PIEZO2: variants seen among roughly 807,000 people sequenced by gnomAD.
The protein encoded by PIEZO2 is piezo-type mechanosensitive ion channel component 2.
PIEZO2 carries 172 observed loss-of-function variants against 337.3 expected under a neutral mutation model. The observed-to-expected ratio is 0.51, with a 90% CI of 0.45 to 0.58. PIEZO2 has a LOEUF of 0.58. PIEZO2 is among the 20% of genes least tolerant of loss of function. The pLI is 0.00. For missense variants in PIEZO2, 3,028 were observed against 3,391.3 expected, an observed-to-expected ratio of 0.89 and a Z score of 2.66; for synonymous variants, 1,251 against 1,228.5, an observed-to-expected ratio of 1.02 and a Z score of -0.38.
Position 11,148,486 on chromosome 18 carries a change from G to A in PIEZO2, c.64+39C>T, listed in dbSNP as rs1568417369. The A allele has an allele frequency of 1.6e-5, 24 of 1,534,338 alleles. No individual in the cohort carries two copies. Among genetic ancestry groups the A allele is most frequent in the Middle Eastern group, 1.7e-4 (1 of 6,002 alleles). ...AGTCCCCCACCCAGGCGCCCCCCTC[G>A]TCCTCCTCAAGTGCCCTCGGAAAGC... On this transcript the variant is annotated intron_variant, in intron 1 of 55. Coordinates refer to ENST00000674853, the MANE Select transcript of PIEZO2 (RefSeq NM_001378183.1). The surrounding 1 kb of genome is among the most constrained non-coding windows in gnomAD (Gnocchi z 5.2).
chr18:10,858,183 T>C (rs1438969751), intron 5 of PIEZO2, among the ~76,000 whole-genome samples: 1 of 150,018 alleles, frequency 6.7e-6, no homozygotes, highest in African/African-American at 2.4e-5. Flanking sequence ...TAGCTGAGTG[T>C]GGTGGCACGT....
Position 10,732,494 on chromosome 18 carries a change from G to A in PIEZO2, c.4915-973C>T, listed in dbSNP as rs112975221. Among the ~76,000 whole-genome samples the A allele has an allele frequency of 8.8e-3, 1,338 of 152,298 alleles. 24 individuals carry two copies. Among genetic ancestry groups the A allele is most frequent in the African/African-American group, 0.029 (1,224 of 41,562 alleles). On this transcript the variant is annotated intron_variant, in intron 35 of 55. Transcript: ENST00000674853. ...AGTGGCATTGTGAAGTCAGTAGAAA[G>A]TAAAGAGAGACTCAACTTTTCCATA...
At chr18:10,820,898 G>A (rs2040502442) in intron 7 of PIEZO2, among the ~76,000 whole-genome samples, 1 of 152,102 alleles carries the variant, frequency 6.6e-6, no homozygotes, top group South Asian at 2.1e-4. Flanking sequence ...CTTCACTCTG[G>A]CCAAAGCTAA....
In PIEZO2 at chr18:10,862,649, C is replaced by G. The variant is rs2041905901; in HGVS notation, c.493-5438G>C. Among the ~76,000 whole-genome samples the G allele has an allele frequency of 6.6e-6, 1 of 152,212 alleles. No homozygotes were observed. The highest frequency in any genetic ancestry group is 1.5e-5 in the Non-Finnish European group (1 of 68,038). On this transcript the variant is annotated intron_variant, in intron 5 of 55. Coordinates refer to ENST00000674853, the MANE Select transcript of PIEZO2 (RefSeq NM_001378183.1). The surrounding 1 kb of genome is among the most constrained non-coding windows in gnomAD (Gnocchi z 4.4). ...GGTTGGAATAAATCCTAAGGATCAC[C>G]TGGGGACCTTTAAGAGGGCAGATGA...
chr18:10,721,542 G>A (rs28567081), intron 36 of PIEZO2, among the ~76,000 whole-genome samples: 7,102 of 151,816 alleles, frequency 0.047, 525 homozygotes, highest in African/African-American at 0.16. Context: ...CAAACATTCC[G>A]GAAGGACAAA....
At chr18:10,725,271 G>C (rs1055962760) in intron 36 of PIEZO2, 121 of 1,566,806 alleles carry the variant, frequency 7.7e-5, no homozygotes, top group Middle Eastern at 1.7e-4. Context: ...TGCTCACCAA[G>C]TGCCAGATAT....
At chr18:10,790,678 A>C (rs1390914153) in intron 14 of PIEZO2, among the ~76,000 whole-genome samples, 4 of 150,556 alleles carry the variant, frequency 2.7e-5, no homozygotes. Context: ...TTTCATTGGG[A>C]ATCACCTTCG....
intron 2 of PIEZO2, among the ~76,000 whole-genome samples, chr18:11,055,078 G>A (rs1182040881): frequency 2.6e-5 from 4 of 152,198 alleles, no homozygotes; most frequent in African/African-American, 9.6e-5. Flanking sequence ...GGGCGCGGTG[G>A]CAGGCGCCTG....
chr18:11,004,625 T>C lies in PIEZO2; in HGVS notation c.161-24965A>G, dbSNP rs374873215. Among the ~76,000 whole-genome samples, 18 of 152,294 alleles carry C rather than the reference T, an allele frequency of 1.2e-4. No homozygotes were observed. In the South Asian group the frequency reaches 2.5e-3, roughly 21 times the overall value. The stretch of plus-strand genomic sequence containing the variant: ...TAATATACAAGAAATGGCTGCTTTG[T>C]TGATGAAGCTGTCAAAATCAGAAGG... On this transcript the variant is annotated intron_variant, in intron 2 of 55. Transcript: ENST00000674853.
At chr18:10,736,504 G>T in intron 34 of PIEZO2, 100 bp downstream of exon 34, 1 of 1,444,886 alleles carries the variant, frequency 6.9e-7, no homozygotes, top group Non-Finnish European at 9.1e-7. Context: ...GGGGAGCTAT[G>T]ACATATGAAT....
chr18:10,803,736 T>C (rs916318995), intron 9 of PIEZO2, 139 bp downstream of exon 9: 6 of 1,053,904 alleles, frequency 5.7e-6, no homozygotes, highest in Non-Finnish European at 7.7e-6. Flanking sequence ...TGGTACTAAC[T>C]CTCCTAAATC....
At chr18:10,931,739 AGAGG>A (rs1214039403) in intron 3 of PIEZO2, among the ~76,000 whole-genome samples, 25 of 151,546 alleles carry the variant, frequency 1.6e-4, no homozygotes, top group Admixed American at 1.4e-3. Flanking sequence ...AGAGAGAGAG[AGAGG>A]GAAAGCTCAC....
chr18:10,686,193 G>A (rs1380531485), intron 49 of PIEZO2, among the ~76,000 whole-genome samples: 1 of 152,174 alleles, frequency 6.6e-6, no homozygotes, highest in East Asian at 1.9e-4. Flanking sequence ...GCAGTTGGGT[G>A]TCAGCACCCA....
chr18:10,797,410 C>T lies in PIEZO2; in HGVS notation c.1491G>A (p.Met497Ile), dbSNP rs2144238447. 6.5e-7 allele frequency: 1 copy of T among 1,537,132 alleles called. No homozygotes were observed. The highest frequency in any genetic ancestry group is 8.7e-7 in the Non-Finnish European group (1 of 1,146,882). Residue 497 changes from methionine (M) to isoleucine (I), a missense_variant, in exon 12 of 56, where the codon ATG (methionine) becomes ATA (isoleucine). Coordinates refer to ENST00000674853, the MANE Select transcript of PIEZO2 (RefSeq NM_001378183.1). ...TGAGGGCACAGATGTAACTTTGTTTCATAATAAATTGGAATACGGAGACCA... is the reference window on the plus strand; with the variant it reads ...TGAGGGCACAGATGTAACTTTGTTTTATAATAAATTGGAATACGGAGACCA... ...HAMVSVFQFI[M>I]KQSYICALIA...
intron 3 of PIEZO2, among the ~76,000 whole-genome samples, chr18:10,971,190 G>A (rs1005679779): frequency 6.6e-6 from 1 of 152,086 alleles, no homozygotes; most frequent in Admixed American, 6.5e-5. Flanking sequence ...TGGCATCAAA[G>A]CCATCTTCAA....
intron 3 of PIEZO2, among the ~76,000 whole-genome samples, chr18:10,931,285 C>T (rs915760356): frequency 1.8e-4 from 27 of 152,118 alleles, no homozygotes; most frequent in African/African-American, 6.5e-4. Context: ...CTGTAAGCTC[C>T]GCCTCCTGGG....
chr18:11,075,459 CTG>C (rs1359971149), intron 1 of PIEZO2, among the ~76,000 whole-genome samples: 4 of 152,198 alleles, frequency 2.6e-5, no homozygotes, highest in Admixed American at 2.0e-4. Context: ...ATTATCTACT[CTG>C]TGTTTTACAT....
intron 47 of PIEZO2, among the ~76,000 whole-genome samples, chr18:10,695,762 G>C (rs1252608207): frequency 6.6e-6 from 1 of 152,092 alleles, no homozygotes; most frequent in African/African-American, 2.4e-5. Flanking sequence ...CTCTGCTAAG[G>C]TGTAGAGAGA....
chr18:10,726,651 C>T lies in PIEZO2; in HGVS notation c.5029+4756G>A, dbSNP rs2144023945. ...GGGAGTACTGCGCGCGCGCCAAGCG[C>T]GGCCAGACAGACACCTCGCTGCCAA... On this transcript the variant is annotated intron_variant, in intron 36 of 55. Transcript: ENST00000674853. The surrounding 1 kb of genome is among the most constrained non-coding windows in gnomAD (Gnocchi z 5.9). 3 of 1,415,432 alleles carry T rather than the reference C, an allele frequency of 2.1e-6. No individual in the cohort carries two copies. The highest frequency in any genetic ancestry group is 1.9e-6 in the Non-Finnish European group (2 of 1,041,670). The allele number at this position is 1,415,432 out of a possible 1,614,324, so 87.7% of individuals were successfully genotyped here.
Sources: gnomAD v4.1 joint callset for allele counts (sites outside exome capture counted in the v4.1 genomes callset) on GRCh38, gnomAD v4.1.1 for gene constraint, Gnocchi (gnomAD v3.1) non-coding constraint, MANE v1.5 for transcripts, NCBI Gene and HGNC (gene_info 2026-07-23, HGNC 2026-07-21) for gene names.